KCNH8: variants seen among roughly 807,000 people sequenced by gnomAD.
The protein encoded by KCNH8 is potassium voltage-gated channel subfamily H member 8.
Under a neutral mutation model 103.6 loss-of-function variants are expected in KCNH8, and 70 were observed. The observed-to-expected ratio is 0.68, with a 90% confidence interval of 0.56 to 0.82. The LOEUF is 0.82. Ranked by LOEUF, KCNH8 falls within the 40% of genes least tolerant of loss-of-function variation. KCNH8 has a pLI of 0.00. For missense variants in KCNH8, 1,217 were observed against 1,329.9 expected (o/e 0.92, Z 1.32); for synonymous variants, 498 against 489.4 (o/e 1.02, Z -0.23).
At chr3:19,319,675 C>T (rs930416278) in intron 3 of KCNH8, among the ~76,000 whole-genome samples, 2 of 151,666 alleles carry the variant, frequency 1.3e-5, no homozygotes, top group African/African-American at 4.8e-5. Flanking sequence ...ATATCAATTT[C>T]AGGATTGTTC....
chr3:19,320,062 A>G (rs1423977382), intron 3 of KCNH8, among the ~76,000 whole-genome samples: 1 of 151,908 alleles, frequency 6.6e-6, no homozygotes, highest in Non-Finnish European at 1.5e-5. Context: ...TTTTTGGATG[A>G]ATCTTTGGGG....
chr3:19,269,421 A>G (rs2064557520), intron 2 of KCNH8, among the ~76,000 whole-genome samples: 2 of 152,160 alleles, frequency 1.3e-5, no homozygotes, highest in African/African-American at 2.4e-5. Context: ...TAAAAATGCT[A>G]CTAAGATAAT....
At chr3:19,278,216 A>G (rs2064702835) in intron 2 of KCNH8, among the ~76,000 whole-genome samples, 1 of 152,112 alleles carries the variant, frequency 6.6e-6, no homozygotes, top group Non-Finnish European at 1.5e-5. Context: ...CTAAGTATAA[A>G]GAGTCTTGCA....
At chr3:19,326,022 A>G (rs2065418631) in intron 3 of KCNH8, among the ~76,000 whole-genome samples, 1 of 152,184 alleles carries the variant, frequency 6.6e-6, no homozygotes, top group African/African-American at 2.4e-5. Context: ...GAACAAGATC[A>G]TGCCTTTTGC....
chr3:19,355,433 CAT>C (rs1213699591), intron 5 of KCNH8, among the ~76,000 whole-genome samples: 1 of 152,092 alleles, frequency 6.6e-6, no homozygotes, highest in Non-Finnish European at 1.5e-5. Flanking sequence ...CACATGCACA[CAT>C]ATGTTTATTG....
At chr3:19,380,483 G>A (rs909306945) in intron 5 of KCNH8, among the ~76,000 whole-genome samples, 1 of 152,048 alleles carries the variant, frequency 6.6e-6, no homozygotes, top group Non-Finnish European at 1.5e-5. Flanking sequence ...GAGTTCCTGT[G>A]GCTATTTGGA....
intron 5 of KCNH8, among the ~76,000 whole-genome samples, chr3:19,351,612 A>C (rs1296355649): frequency 6.6e-6 from 1 of 152,252 alleles, no homozygotes; most frequent in Non-Finnish European, 1.5e-5. Context: ...TTTTCAACCC[A>C]GAATTTTATA....
intron 11 of KCNH8, among the ~76,000 whole-genome samples, chr3:19,459,669 T>C (rs2067590395): frequency 6.6e-6 from 1 of 152,132 alleles, no homozygotes. Flanking sequence ...AAAAACATCA[T>C]TGTCCAGACC....
At chr3:19,303,254 C>T (rs569894894) in intron 3 of KCNH8, among the ~76,000 whole-genome samples, 9 of 152,122 alleles carry the variant, frequency 5.9e-5, no homozygotes, top group African/African-American at 1.2e-4. Flanking sequence ...AGATTAAATG[C>T]GTGGATTTCC....
chr3:19,214,161 C>T (rs1575441887), intron 1 of KCNH8, among the ~76,000 whole-genome samples: 3 of 152,198 alleles, frequency 2.0e-5, no homozygotes, highest in South Asian at 2.1e-4. Flanking sequence ...TTCTCTACGA[C>T]GTTGGGAGCT....
At chr3:19,415,062 T>A (rs1341119948) in intron 7 of KCNH8, among the ~76,000 whole-genome samples, 1 of 152,062 alleles carries the variant, frequency 6.6e-6, no homozygotes, top group Non-Finnish European at 1.5e-5. Context: ...TTTTAGATAC[T>A]ATTTTTACTA....
intron 15 of KCNH8, among the ~76,000 whole-genome samples, chr3:19,525,778 G>T (rs2069053605): frequency 6.6e-6 from 1 of 151,930 alleles, no homozygotes; most frequent in Non-Finnish European, 1.5e-5. Context: ...GTGTGACCTA[G>T]AACAAGCCAT....
intron 1 of KCNH8, among the ~76,000 whole-genome samples, chr3:19,236,143 A>G (rs560350036): frequency 1.3e-5 from 2 of 152,178 alleles, no homozygotes. Context: ...TTGCAACTCC[A>G]TTGCTCCACA....
intron 15 of KCNH8, among the ~76,000 whole-genome samples, chr3:19,518,843 CT>C (rs1224916013): frequency 6.6e-6 from 1 of 152,056 alleles, no homozygotes; most frequent in East Asian, 1.9e-4. Flanking sequence ...AAATAAGATA[CT>C]TTCTTGATTA....
At chr3:19,429,162 CTTTTTTTTTTTTTT>C (rs575154927) in intron 7 of KCNH8, among the ~76,000 whole-genome samples, 12 of 89,858 alleles carry the variant, frequency 1.3e-4, no homozygotes, top group African/African-American at 5.2e-4. Flanking sequence ...AGAATCCACT[CTTTTTTTTTTTTTT>C]TTTTTTTTTT....
intron 5 of KCNH8, among the ~76,000 whole-genome samples, chr3:19,357,707 C>T (rs1315948581): frequency 1.3e-5 from 2 of 151,822 alleles, no homozygotes; most frequent in Non-Finnish European, 2.9e-5. Flanking sequence ...GCTTTGGTCT[C>T]TCTAAGAACT....
chr3:19,245,633 A>C (rs1289655089), intron 1 of KCNH8, among the ~76,000 whole-genome samples: 1 of 152,022 alleles, frequency 6.6e-6, no homozygotes, highest in Non-Finnish European at 1.5e-5. Flanking sequence ...CTTTCAGCCA[A>C]ATTTTATGGT....
At chr3:19,371,579 T>TC (rs2066096623) in intron 5 of KCNH8, among the ~76,000 whole-genome samples, 1 of 150,228 alleles carries the variant, frequency 6.7e-6, no homozygotes, top group Non-Finnish European at 1.5e-5. Context: ...ACTCTGATGG[T>TC]AGTTTCTTTT....
At chr3:19,192,635 C>T (rs2063564122) in intron 1 of KCNH8, among the ~76,000 whole-genome samples, 1 of 151,604 alleles carries the variant, frequency 6.6e-6, no homozygotes, top group South Asian at 2.1e-4. Flanking sequence ...AGGAGATTTG[C>T]TCAGTCAGTA....
Sources: allele counts gnomAD v4.1 joint callset (sites outside exome capture counted in the v4.1 genomes callset), GRCh38; gene constraint gnomAD v4.1.1; transcripts MANE v1.5; gene names NCBI Gene and HGNC (gene_info 2026-07-23, HGNC 2026-07-21).